CENPL: variants seen among roughly 807,000 people sequenced by gnomAD.
CENPL encodes the protein centromere protein L, also known as interphase centromere complex protein 33.
CENPL carries 20 observed loss-of-function variants against 35.2 expected under a neutral mutation model. That is an observed-to-expected ratio of 0.57 (90% confidence interval 0.40 to 0.83). The LOEUF (loss-of-function observed/expected upper bound fraction) is 0.83, where lower values mean the gene tolerates loss of function less well. CENPL is among the 40% of genes least tolerant of loss of function. The pLI is 0.00. For synonymous variants in CENPL, 140 were observed against 140.6 expected (o/e 1.00, Z 0.03); for missense variants, 363 against 395.8 (o/e 0.92, Z 0.70).
At chr1:173,814,463 C>T (rs543273179) in intron 2 of CENPL, among the ~76,000 whole-genome samples, 1 of 152,152 alleles carries the variant, frequency 6.6e-6, no homozygotes, top group African/African-American at 2.4e-5. Flanking sequence ...TGTAAAAGAA[C>T]AGATATCACA....
rs1649930004 is a variant in CENPL, at chr1:173,803,390, G to A, written c.536C>T (p.Thr179Ile). The A allele has an allele frequency of 6.2e-7, 1 of 1,613,868 alleles. No individual in the cohort carries two copies. Among genetic ancestry groups the A allele is most frequent in the Non-Finnish European group, 8.5e-7 (1 of 1,179,890 alleles). The stretch of plus-strand genomic sequence containing the variant: ...ATTTGCAAGGAATAAGGGCAGACAG[G>A]TGAAATCTTCTGAAACAGTCTCCAG... ...SLLETVSEDF[T>I]CLPLFLANGA... The change falls in exon 5 of 6, where the codon ACC (threonine) becomes ATC (isoleucine). Residue 179 changes from threonine to isoleucine, a missense_variant. Thr to Ile is a moderately conservative substitution (Grantham distance 89). Transcript: ENST00000682279.
rs201490551 is a variant in CENPL, at chr1:173,803,080, T to C, written c.846A>G (p.Leu282=). 92 of 1,613,820 alleles carry C rather than the reference T, an allele frequency of 5.7e-5. No individual in the cohort carries two copies. The African/African-American group carries it at 1.2e-3, about 20-fold the overall frequency. Residue 282 remains leucine (L), a synonymous_variant, in exon 5 of 6, where the codon CTA becomes CTG. Coordinates refer to ENST00000682279, the MANE Select transcript of CENPL (RefSeq NM_001387287.1). ...PGEVTQEEVD[L]FMDCLYSHFH... The stretch of plus-strand genomic sequence containing the variant: ...AATGTGAATAAAGGCAATCCATGAA[T>C]AGGTCAACTTCTTCCTGGGTAACCT...
intron 4 of CENPL, among the ~76,000 whole-genome samples, chr1:173,804,757 T>C (rs1169968421): frequency 6.8e-6 from 1 of 147,018 alleles, no homozygotes; most frequent in African/African-American, 2.6e-5. Context: ...GGATATTTTA[T>C]TATATTTTTA....
At chr1:173,811,361 T>A in intron 2 of CENPL, 55 bp from the exon 3 acceptor site, 1 of 1,226,834 alleles carries the variant, frequency 8.2e-7, no homozygotes, top group Admixed American at 1.9e-5. Context: ...TAATTCATGC[T>A]TACAGTTTCA....
At chr1:173,822,727 T>C (rs1029211085) in intron 2 of CENPL, 1 of 152,180 alleles carries the variant, frequency 6.6e-6, no homozygotes, top group Non-Finnish European at 1.5e-5. Context: ...GTTAACTTTA[T>C]CATCAAATTC....
At chr1:173,805,978 A>G (rs1650188911) in intron 4 of CENPL, among the ~76,000 whole-genome samples, 1 of 152,200 alleles carries the variant, frequency 6.6e-6, no homozygotes, top group South Asian at 2.1e-4. Flanking sequence ...TTTTTCTGTA[A>G]AGGGCCAGTT....
intron 2 of CENPL, chr1:173,822,567 C>T (rs918126023): frequency 6.6e-6 from 1 of 152,174 alleles, no homozygotes; most frequent in East Asian, 1.9e-4. Flanking sequence ...CGCTTCACAT[C>T]TTATTCAATC....
At chr1:173,812,047 T>C (rs1210061593) in intron 2 of CENPL, among the ~76,000 whole-genome samples, 4 of 152,370 alleles carry the variant, frequency 2.6e-5, no homozygotes, top group Admixed American at 1.3e-4. Context: ...CCCACACCCA[T>C]AGAGCCTTGC....
chr1:173,801,556 C>A (rs1357205025), intron 5 of CENPL, among the ~76,000 whole-genome samples: 2 of 150,394 alleles, frequency 1.3e-5, no homozygotes, highest in African/African-American at 4.9e-5. Context: ...CATGGTGGCT[C>A]ATGCCTGTAA....
rs1299149304 is a variant in CENPL at position 173,811,060 on chromosome 1, A to C, written c.168+72T>G. Reference sequence around the variant, plus strand: ...AGAAGATACTAAGAATACTATAGTTACAAAAATTGAAATGTTTTGTTCACA... The same window carrying C: ...AGAAGATACTAAGAATACTATAGTTCCAAAAATTGAAATGTTTTGTTCACA... On this transcript the variant is annotated intron_variant, in intron 3 of 5. Transcript: ENST00000682279. The C allele has an allele frequency of 2.1e-6, 3 of 1,397,454 alleles. No homozygotes were observed. The Admixed American group carries it at 5.6e-5, about 26-fold the overall frequency. The allele number at this position is 1,397,454 out of a possible 1,614,324, so 86.6% of individuals were successfully genotyped here.
intron 5 of CENPL, among the ~76,000 whole-genome samples, chr1:173,801,751 C>T (rs536622111): frequency 4.6e-5 from 7 of 152,190 alleles, no homozygotes; most frequent in East Asian, 1.9e-4. Flanking sequence ...ACCCAGGAGG[C>T]GGAAGTTGCA....
chr1:173,811,902 C>T (rs1202323637), intron 2 of CENPL, among the ~76,000 whole-genome samples: 1 of 152,260 alleles, frequency 6.6e-6, no homozygotes, highest in Non-Finnish European at 1.5e-5. Flanking sequence ...AGGGATTTCC[C>T]TTTCCTAGCC....
intron 2 of CENPL, among the ~76,000 whole-genome samples, chr1:173,820,347 A>T (rs1417947305): frequency 6.6e-6 from 1 of 151,964 alleles, no homozygotes; most frequent in African/African-American, 2.4e-5. Flanking sequence ...CAACACAGCA[A>T]GACCCCATCT....
intron 2 of CENPL, among the ~76,000 whole-genome samples, chr1:173,813,983 T>C (rs1002675883): frequency 1.3e-5 from 2 of 151,948 alleles, no homozygotes; most frequent in African/African-American, 4.8e-5. Context: ...TAGAGGAAGA[T>C]CTACCAAGCA....
rs1241828664 is a variant in CENPL at position 173,799,605 on chromosome 1, A to T, written c.*843T>A. ...TTGCAACAGGAGTTGAACTGTATTT[A>T]AAACAGAAGCATATTAATGACTAAA... is the stretch of plus-strand genomic sequence containing the variant. On this transcript the variant is annotated 3_prime_UTR_variant, in exon 6 of 6. Coordinates refer to ENST00000682279, the MANE Select transcript of CENPL (RefSeq NM_001387287.1). 2 of 152,232 alleles carry T rather than the reference A, an allele frequency of 1.3e-5. No homozygotes were observed. Among genetic ancestry groups the T allele is most frequent in the African/African-American group, 4.8e-5 (2 of 41,462 alleles). 9.4% of individuals were successfully genotyped at this position (152,232 alleles called of 1,614,324 possible).
At position 173,803,056 on chromosome 1, in the gene CENPL, A is replaced by C. The variant is rs770345706; in HGVS notation, c.870T>G (p.His290Gln). 6.2e-7 allele frequency: 1 copy of C among 1,613,862 alleles called. No individual in the cohort carries two copies. Among genetic ancestry groups the C allele is most frequent in the Admixed American group, 1.7e-5 (1 of 60,036 alleles). Residue 290 changes from histidine (H) to glutamine (Q), a missense_variant, in exon 5 of 6, where the codon CAT (histidine) becomes CAG (glutamine). Coordinates refer to ENST00000682279, the MANE Select transcript of CENPL (RefSeq NM_001387287.1). ...AATGAATTTTGAAATGTCTATGGAAATGTGAATAAAGGCAATCCATGAATA... is the reference window on the plus strand; with the variant it reads ...AATGAATTTTGAAATGTCTATGGAACTGTGAATAAAGGCAATCCATGAATA... ...VDLFMDCLYSHFHRHFKIHLS... is the reference protein window; with the variant it reads ...VDLFMDCLYSQFHRHFKIHLS...
intron 3 of CENPL, among the ~76,000 whole-genome samples, chr1:173,808,869 G>C (rs1650520686): frequency 6.6e-6 from 1 of 152,038 alleles, no homozygotes; most frequent in Non-Finnish European, 1.5e-5. Context: ...CAATTGCAAT[G>C]AAAGCAAAAA....
chr1:173,822,623 A>T (rs1057161547), intron 2 of CENPL: 1 of 151,980 alleles, frequency 6.6e-6, no homozygotes, highest in African/African-American at 2.4e-5. Flanking sequence ...TAATAATTCC[A>T]TTCTTCCTTT....
chr1:173,803,621 A>C (rs2102564570), intron 4 of CENPL, 116 bp from the exon 5 acceptor site: 1 of 928,384 alleles, frequency 1.1e-6, no homozygotes, highest in East Asian at 2.6e-5. Context: ...TTGCAAAAAA[A>C]AACATAGAGG....
Sources: gnomAD v4.1 joint callset for allele counts (sites outside exome capture counted in the v4.1 genomes callset) on GRCh38, gnomAD v4.1.1 for gene constraint, MANE v1.5 for transcripts, NCBI Gene and HGNC (gene_info 2026-07-23, HGNC 2026-07-21) for gene names.